The following NAGPA variants were observed in gnomAD, a reference collection of about 807,000 sequenced individuals.
The protein encoded by NAGPA is N-acetylglucosamine-1-phosphodiester alpha-N-acetylglucosaminidase, also known as alpha-N-acetylglucosaminyl phosphodiesterase.
In NAGPA, 56 loss-of-function variants were observed where a neutral mutation model predicts 48.5. That is an observed-to-expected ratio of 1.15 (90% CI 0.93 to 1.44). NAGPA has a LOEUF of 1.44. Ranked by LOEUF, NAGPA falls within the 40% of genes most tolerant of loss-of-function variation. The probability of loss-of-function intolerance (pLI) is 0.00; values close to 1 mark genes in which losing one functional copy is unlikely to be tolerated. For missense variants in NAGPA, 888 were observed against 735.0 expected, an observed-to-expected ratio of 1.21 and a Z score of -2.41; for synonymous variants, 399 against 315.5, an observed-to-expected ratio of 1.26 and a Z score of -2.81.
chr16:5,033,563 G>C lies in NAGPA; in HGVS notation c.252C>G (p.His84Gln), dbSNP rs755458782. The change falls in exon 2 of 10, where the codon CAC becomes CAG. Residue 84 changes from histidine (H) to glutamine (Q), a missense_variant. Coordinates refer to ENST00000312251, the MANE Select transcript of NAGPA (RefSeq NM_016256.4). This position sits in a 1 kb window ranked among gnomAD's most constrained non-coding sequence, Gnocchi z 4.2. Reference protein sequence around the residue: ...GGLAVRTFVSHFRDRAVAGHL... With the variant: ...GGLAVRTFVSQFRDRAVAGHL... ...GGCCGGCCACCGCGCGGTCCCTGAAGTGCGACACGAAGGTGCGCACGGCCA... is the reference window on the plus strand; with the variant it reads ...GGCCGGCCACCGCGCGGTCCCTGAACTGCGACACGAAGGTGCGCACGGCCA... 4.0e-4 allele frequency: 609 copies of C among 1,505,860 alleles called. No homozygotes were observed. Among genetic ancestry groups the C allele is most frequent in the African/African-American group, 1.1e-3 (80 of 69,980 alleles). The allele number at this position is 1,505,860 out of a possible 1,614,324, so 93.3% of individuals were successfully genotyped here.
intron 4 of NAGPA, chr16:5,029,689 C>T (rs1056011964): frequency 3.1e-5 from 5 of 159,554 alleles, no homozygotes; most frequent in Non-Finnish European, 5.5e-5. Context: ...TTTGGAAGGC[C>T]GAGGTAGATG....
Position 5,033,559 on chromosome 16 carries a change from TG to T in NAGPA, c.255del (p.Phe85LeufsTer10), listed in dbSNP as rs1956145305. The T allele has an allele frequency of 6.6e-7, 1 of 1,505,676 alleles. No individual in the cohort carries two copies. The highest frequency in any genetic ancestry group is 8.8e-7 in the Non-Finnish European group (1 of 1,136,726). 93.3% of individuals were successfully genotyped at this position (1,505,676 alleles called of 1,614,324 possible). A position where few individuals can be genotyped will look rare whatever the true frequency, so the allele number is the denominator to read the frequency against. On this transcript the variant is annotated frameshift_variant, in exon 2 of 10. Transcript: ENST00000312251. LOFTEE classifies it high-confidence loss of function. The surrounding 1 kb of genome is among the most constrained non-coding windows in gnomAD (Gnocchi z 4.2). The stretch of plus-strand genomic sequence containing the variant: ...AGGTGGCCGGCCACCGCGCGGTCCC[TG>T]AAGTGCGACACGAAGGTGCGCACGG... ...GLAVRTFVSHFRDRAVAGHLT... is the reference protein window; with the variant it reads ...GLAVRTFVSHXRDRAVAGHLT...
intron 4 of NAGPA, chr16:5,029,229 G>T: frequency 1.5e-6 from 1 of 688,520 alleles, no homozygotes; most frequent in Non-Finnish European, 2.4e-6. Flanking sequence ...TTAAGGGAGG[G>T]GAAACGGCCC....
chr16:5,033,198 G>A lies in NAGPA; in HGVS notation c.542+75C>T, dbSNP rs1956133779. 1 of 1,506,120 alleles carries A rather than the reference G, an allele frequency of 6.6e-7. No individual in the cohort carries two copies. The highest frequency in any genetic ancestry group is 8.9e-7 in the Non-Finnish European group (1 of 1,120,336). 93.3% of individuals were successfully genotyped at this position (1,506,120 alleles called of 1,614,324 possible). A position where few individuals can be genotyped will look rare whatever the true frequency, so the allele number is the denominator to read the frequency against. ...GGGGCTCAGCTTGGTTAAGTGACTT[G>A]AACACGGAGGCACGGCTACAACCCA... On this transcript the variant is annotated intron_variant, in intron 2 of 9. Coordinates refer to ENST00000312251, the MANE Select transcript of NAGPA (RefSeq NM_016256.4). The surrounding 1 kb of genome is among the most constrained non-coding windows in gnomAD (Gnocchi z 4.2).
At chr16:5,028,377 AG>A (rs1352012311) in intron 5 of NAGPA, 192 bp from the exon 6 acceptor site, 2 of 1,111,038 alleles carry the variant, frequency 1.8e-6, no homozygotes, top group Non-Finnish European at 2.6e-6. Flanking sequence ...TGTAACCGTA[AG>A]GTGTGCACCA....
At chr16:5,031,711 G>C (rs975163301) in intron 3 of NAGPA, 34 bp downstream of exon 3, 2 of 1,613,730 alleles carry the variant, frequency 1.2e-6, no homozygotes, top group African/African-American at 1.3e-5. Flanking sequence ...CCTGGTTCTC[G>C]AGAGGGTTGT....
chr16:5,026,063 G>T (rs554444903), intron 9 of NAGPA, among the ~76,000 whole-genome samples: 92 of 151,932 alleles, frequency 6.1e-4, no homozygotes, highest in African/African-American at 2.1e-3. Flanking sequence ...CGAGTAGCTG[G>T]GACTACAGGC....
In NAGPA at chr16:5,031,849, T is replaced by A. The variant is rs777599519; in HGVS notation, c.578A>T (p.Asn193Ile). The change falls in exon 3 of 10, where the codon AAC becomes ATC. Residue 193 changes from asparagine to isoleucine, a missense_variant. Transcript: ENST00000312251. ...LSEEEVLDTE[N>I]PFVQLLSGVV... ...CCCACTCAGCAGCTGCACAAATGGG[T>A]TCTCAGTGTCCAGCACCTCCTCCTC... 3 of 1,613,880 alleles carry A rather than the reference T, an allele frequency of 1.9e-6. No individual in the cohort carries two copies. The Admixed American group carries it at 5.0e-5, about 27-fold the overall frequency.
Position 5,029,024 on chromosome 16 carries a change from G to A in NAGPA, c.792-16C>T. The A allele has an allele frequency of 6.2e-7, 1 of 1,612,010 alleles. No homozygotes were observed. Among genetic ancestry groups the A allele is most frequent in the Non-Finnish European group, 8.5e-7 (1 of 1,179,996 alleles). Reference sequence around the variant, plus strand: ...CAGGTTGATGCTGCGGCACAAAGCGGCGCTGCTCAGGCTCAGCGCCCACCA... The same window carrying A: ...CAGGTTGATGCTGCGGCACAAAGCGACGCTGCTCAGGCTCAGCGCCCACCA... On this transcript the variant is annotated splice_polypyrimidine_tract_variant and intron_variant, in intron 4 of 9. Transcript: ENST00000312251.
In NAGPA at chr16:5,029,184, A is replaced by G. The variant is rs907584809; in HGVS notation, c.792-176T>C. On this transcript the variant is annotated intron_variant, in intron 4 of 9. Coordinates refer to ENST00000312251, the MANE Select transcript of NAGPA (RefSeq NM_016256.4). The stretch of plus-strand genomic sequence containing the variant: ...GGAAGCTGTGAACACGTGAGATCAC[A>G]CCCATGCCTGTGCTGTTACATGGCA... 5.8e-6 allele frequency: 6 copies of G among 1,038,912 alleles called. No individual in the cohort carries two copies. The African/African-American group carries it at 9.5e-5, about 16-fold the overall frequency. 64.4% of individuals were successfully genotyped at this position (1,038,912 alleles called of 1,614,324 possible). A position where few individuals can be genotyped will look rare whatever the true frequency, so the allele number is the denominator to read the frequency against.
chr16:5,025,369 C>A lies in NAGPA; in HGVS notation c.*109G>T. On this transcript the variant is annotated 3_prime_UTR_variant, in exon 10 of 10. Coordinates refer to ENST00000312251, the MANE Select transcript of NAGPA (RefSeq NM_016256.4). ...CAGGAACTTGGCTGCCCCACAGGGG[C>A]TGAGGACACCCAGATGGTCCACGCC... The A allele has an allele frequency of 7.4e-7, 1 of 1,358,546 alleles. No homozygotes were observed. Among genetic ancestry groups the A allele is most frequent in the Non-Finnish European group, 1.0e-6 (1 of 978,864 alleles). The allele number at this position is 1,358,546 out of a possible 1,614,324, so 84.2% of individuals were successfully genotyped here.
chr16:5,030,895 A>T (rs1478517480), intron 3 of NAGPA: 1 of 282,380 alleles, frequency 3.5e-6, no homozygotes. Context: ...CCTTTGTCAG[A>T]TCACCTCCTT....
chr16:5,027,256 C>A, intron 8 of NAGPA, 22 bp downstream of exon 8: 1 of 1,614,160 alleles, frequency 6.2e-7, no homozygotes, highest in Non-Finnish European at 8.5e-7. Context: ...GCCCATACCC[C>A]TCCCCTTGGA....
intron 5 of NAGPA, chr16:5,028,491 T>C: frequency 1.6e-6 from 1 of 634,104 alleles, no homozygotes; most frequent in South Asian, 1.5e-5. Context: ...CACCTCGGCC[T>C]CCCAAAGCAC....
intron 4 of NAGPA, chr16:5,030,071 G>T: frequency 2.0e-6 from 1 of 503,136 alleles, no homozygotes; most frequent in Non-Finnish European, 3.6e-6. Flanking sequence ...GGCATAGGTG[G>T]GTAGACAAGT....
At chr16:5,028,340 T>G (rs1956041252) in intron 5 of NAGPA, 155 bp from the exon 6 acceptor site, 1 of 1,412,258 alleles carries the variant, frequency 7.1e-7, no homozygotes, top group Admixed American at 2.0e-5. Context: ...GGTATTGCGA[T>G]CCTTCCACCC....
In NAGPA at chr16:5,025,664, G is replaced by C. The variant is rs777535522; in HGVS notation, c.1362C>G (p.Thr454=). The C allele has an allele frequency of 3.8e-5, 62 of 1,612,154 alleles. No individual in the cohort carries two copies. The South Asian group carries it at 6.4e-4, about 17-fold the overall frequency. The part of the protein sequence containing the change: ...FFTRTAWLAL[T]LALAFLLLIS... ...TCAGCAGGAGGAAGGCCAGCGCCAG[G>C]GTGAGGGCTAGCCAGGCGGTCCTGC... Residue 454 remains threonine (T), a synonymous_variant, in exon 10 of 10, where the codon ACC becomes ACG. Transcript: ENST00000312251.
chr16:5,027,401 AGGGAG>A, intron 7 of NAGPA, 22 bp from the exon 8 acceptor site: 1 of 556,810 alleles, frequency 1.8e-6, no homozygotes, highest in Non-Finnish European at 2.6e-6. Context: ...AGATGGGAGG[AGGGAG>A]GAGGGAGGAG....
rs531537200 is a variant in NAGPA, at chr16:5,033,604, G to C, written c.211C>G (p.Pro71Ala). Residue 71 changes from proline (P) to alanine (A), a missense_variant, in exon 2 of 10, where the codon CCC becomes GCC. Coordinates refer to ENST00000312251, the MANE Select transcript of NAGPA (RefSeq NM_016256.4). The surrounding 1 kb of genome is among the most constrained non-coding windows in gnomAD (Gnocchi z 4.2). ...HESWPPPPATPGAGGLAVRTF... is the reference protein window; with the variant it reads ...HESWPPPPATAGAGGLAVRTF... ...CGCACGGCCAGACCGCCGGCGCCGG[G>C]AGTCGCGGGAGGCGGAGGCCAACTC... 1.3e-6 allele frequency: 2 copies of C among 1,498,678 alleles called. No homozygotes were observed. The highest frequency in any genetic ancestry group is 8.8e-7 in the Non-Finnish European group (1 of 1,136,380). 92.8% of individuals were successfully genotyped at this position (1,498,678 alleles called of 1,614,324 possible).
Sources: gnomAD v4.1 joint callset for allele counts (sites outside exome capture counted in the v4.1 genomes callset) on GRCh38, gnomAD v4.1.1 for gene constraint, Gnocchi (gnomAD v3.1) non-coding constraint, MANE v1.5 for transcripts, NCBI Gene and HGNC (gene_info 2026-07-23, HGNC 2026-07-21) for gene names.